Variants in COL21A1 observed in about 807,000 individuals in gnomAD.
COL21A1 encodes collagen type XXI alpha 1 chain.
In COL21A1, 149 loss-of-function variants were observed where a neutral mutation model predicts 137.9. That is an observed-to-expected ratio of 1.08 (90% confidence interval 0.95 to 1.24). The LOEUF (loss-of-function observed/expected upper bound fraction) is 1.24, where lower values mean the gene tolerates loss of function less well. Ranked by LOEUF, COL21A1 falls within the 50% of genes most tolerant of loss-of-function variation. COL21A1 has a pLI of 0.00. For synonymous variants in COL21A1, 456 were observed against 391.5 expected (o/e 1.16, Z -1.95); for missense variants, 1,167 against 1,158.4 (o/e 1.01, Z -0.11).
chr6:56,248,489 T>C (rs1039546233), upstream of COL21A1, among the ~76,000 whole-genome samples: 1 of 152,354 alleles, frequency 6.6e-6, no homozygotes, highest in Admixed American at 6.5e-5. Context: ...AGATCACTTA[T>C]TGCTATCTGA....
intron 1 of COL21A1, among the ~76,000 whole-genome samples, chr6:56,204,025 G>A (rs1779581813): frequency 6.6e-6 from 1 of 152,136 alleles, no homozygotes; most frequent in Non-Finnish European, 1.5e-5. Context: ...TGGGTTTCAA[G>A]CACAAAACTG....
chr6:56,066,559 T>C (rs1465776177), intron 23 of COL21A1, among the ~76,000 whole-genome samples: 1 of 151,866 alleles, frequency 6.6e-6, no homozygotes, highest in African/African-American at 2.4e-5. Context: ...TGGTAATTTA[T>C]GGTTGGAAAA....
At chr6:56,264,762 C>A (rs1340467801) in intron 1 of COL21A1, among the ~76,000 whole-genome samples, 1 of 152,162 alleles carries the variant, frequency 6.6e-6, no homozygotes, top group Admixed American at 6.5e-5. Context: ...TAAATTTAAT[C>A]CATATCATCT....
intron 10 of COL21A1, among the ~76,000 whole-genome samples, chr6:56,153,950 A>G (rs1561923709): frequency 6.6e-6 from 1 of 152,180 alleles, no homozygotes; most frequent in African/African-American, 2.4e-5. Flanking sequence ...CTGCATGAAA[A>G]TAAGTCCCAA....
intron 10 of COL21A1, among the ~76,000 whole-genome samples, chr6:56,145,626 A>C (rs910707862): frequency 6.6e-6 from 1 of 150,792 alleles, no homozygotes; most frequent in Non-Finnish European, 1.5e-5. Flanking sequence ...ACAGGAAAAA[A>C]TAAGCTTTTT....
intron 1 of COL21A1, among the ~76,000 whole-genome samples, chr6:56,182,889 T>C (rs1778007096): frequency 6.6e-6 from 1 of 152,210 alleles, no homozygotes; most frequent in Non-Finnish European, 1.5e-5. Flanking sequence ...CAGAAAAGCA[T>C]ACACATTTTC....
chr6:56,187,674 G>T (rs1430354711), intron 1 of COL21A1, among the ~76,000 whole-genome samples: 1 of 152,088 alleles, frequency 6.6e-6, no homozygotes, highest in Non-Finnish European at 1.5e-5. Context: ...TTTCACATAA[G>T]AAAATTAAAT....
intron 5 of COL21A1, among the ~76,000 whole-genome samples, chr6:56,170,011 T>C (rs1398602853): frequency 1.3e-5 from 2 of 151,956 alleles, no homozygotes; most frequent in African/African-American, 2.4e-5. Context: ...TAGACTATCA[T>C]AATAATGAGC....
At chr6:56,327,668 T>C (rs748805609) in intron 1 of COL21A1, among the ~76,000 whole-genome samples, 1 of 151,968 alleles carries the variant, frequency 6.6e-6, no homozygotes, top group Non-Finnish European at 1.5e-5. Context: ...CCATACCCAG[T>C]TTGGAATCGT....
chr6:56,111,059 T>C (rs544250918), intron 16 of COL21A1, among the ~76,000 whole-genome samples: 2 of 151,512 alleles, frequency 1.3e-5, no homozygotes, highest in Non-Finnish European at 2.9e-5. Flanking sequence ...AAACAGGTGA[T>C]CATCATTAAT....
chr6:56,137,222 C>T (rs184122753), intron 12 of COL21A1, among the ~76,000 whole-genome samples: 2 of 152,214 alleles, frequency 1.3e-5, no homozygotes, highest in East Asian at 3.9e-4. Flanking sequence ...CTGTACTAAT[C>T]CCACAGGACT....
chr6:56,376,034 C>T (rs12199262), intron 1 of COL21A1, among the ~76,000 whole-genome samples: 112 of 152,210 alleles, frequency 7.4e-4, no homozygotes, highest in Non-Finnish European at 1.3e-3. Flanking sequence ...GGGTAGCTGA[C>T]GTATTCTCCA....
At chr6:56,177,508 T>G (rs1271395507) in intron 3 of COL21A1, among the ~76,000 whole-genome samples, 1 of 152,152 alleles carries the variant, frequency 6.6e-6, no homozygotes, top group Non-Finnish European at 1.5e-5. Context: ...AAATGTCAAG[T>G]GCAGACTGGG....
chr6:56,250,010 C>T (rs1782818080), upstream of COL21A1, among the ~76,000 whole-genome samples: 1 of 152,086 alleles, frequency 6.6e-6, no homozygotes, highest in South Asian at 2.1e-4. Flanking sequence ...GTAAAATATT[C>T]CTCTAAATTT....
chr6:56,198,572 A>G (rs1779184004), intron 1 of COL21A1, among the ~76,000 whole-genome samples: 1 of 152,148 alleles, frequency 6.6e-6, no homozygotes, highest in Non-Finnish European at 1.5e-5. Context: ...AAAAAAGAAT[A>G]CAGGCCAACA....
intron 1 of COL21A1, among the ~76,000 whole-genome samples, chr6:56,349,566 C>T (rs1037343164): frequency 3.3e-5 from 5 of 152,134 alleles, no homozygotes; most frequent in Non-Finnish European, 7.3e-5. Flanking sequence ...AATCACCAAT[C>T]AGAAATAAAA....
intron 1 of COL21A1, among the ~76,000 whole-genome samples, chr6:56,388,136 G>A (rs1581801348): frequency 6.6e-6 from 1 of 152,310 alleles, no homozygotes; most frequent in East Asian, 1.9e-4. Flanking sequence ...TTAATTCCTG[G>A]ATTGTATTTC....
intron 3 of COL21A1, among the ~76,000 whole-genome samples, chr6:56,172,845 G>A (rs906061191): frequency 2.0e-5 from 3 of 151,988 alleles, no homozygotes; most frequent in Non-Finnish European, 2.9e-5. Context: ...AAAATAAGTT[G>A]TTATAATTAC....
At chr6:56,357,488 G>T (rs1156976610) in intron 1 of COL21A1, among the ~76,000 whole-genome samples, 3 of 152,152 alleles carry the variant, frequency 2.0e-5, no homozygotes, top group Non-Finnish European at 2.9e-5. Context: ...GTGAAAGTAC[G>T]CATAAAATGT....
Sources: gnomAD v4.1 joint callset for allele counts (sites outside exome capture counted in the v4.1 genomes callset) on GRCh38, gnomAD v4.1.1 for gene constraint, MANE v1.5 for transcripts, NCBI Gene and HGNC (gene_info 2026-07-23, HGNC 2026-07-21) for gene names.